FHIT: variants seen among roughly 807,000 people sequenced by gnomAD.
FHIT encodes the protein bis(5'-adenosyl)-triphosphatase.
In FHIT, 19 loss-of-function variants were observed where a neutral mutation model predicts 17.9. That is an observed-to-expected ratio of 1.06 (90% confidence interval 0.74 to 1.56). The LOEUF (loss-of-function observed/expected upper bound fraction) is 1.56. FHIT is among the 40% of genes most tolerant of loss of function. The pLI is 0.00. For missense variants in FHIT, 248 were observed against 189.2 expected (o/e 1.31, Z -1.82); for synonymous variants, 81 against 69.7 (o/e 1.16, Z -0.81).
rs997508961 is a variant in FHIT at position 60,823,428 on chromosome 3, A to G, written c.-110-1417T>C. On this transcript the variant is annotated intron_variant, in intron 3 of 9. Transcript: ENST00000492590. Reference sequence around the variant, plus strand: ...AAGTTAAGATGAAGTCATACTGGAGATCGGTGGGCAGGCCTCTCATCCAAT... The same window carrying G: ...AAGTTAAGATGAAGTCATACTGGAGGTCGGTGGGCAGGCCTCTCATCCAAT... Among the ~76,000 whole-genome samples the G allele has an allele frequency of 5.9e-5, 9 of 152,196 alleles. 1 individual carries two copies. Among genetic ancestry groups the G allele is most frequent in the African/African-American group, 2.4e-5 (1 of 41,458 alleles).
chr3:60,215,844 A>G (rs1703673655), intron 5 of FHIT, among the ~76,000 whole-genome samples: 1 of 152,172 alleles, frequency 6.6e-6, no homozygotes, highest in Admixed American at 6.5e-5. Context: ...CCAATAATCT[A>G]TGAGAGAACA....
chr3:60,468,302 T>C (rs138012231), intron 5 of FHIT, among the ~76,000 whole-genome samples: 17 of 152,280 alleles, frequency 1.1e-4, no homozygotes, highest in African/African-American at 3.8e-4. Context: ...TCAATGTTAT[T>C]ATTGATGAAT....
intron 4 of FHIT, among the ~76,000 whole-genome samples, chr3:60,655,045 G>A (rs920862049): frequency 7.9e-5 from 12 of 152,142 alleles, no homozygotes; most frequent in African/African-American, 2.9e-4. Flanking sequence ...TAGAAGTTGA[G>A]AATAATGTCA....
intron 5 of FHIT, among the ~76,000 whole-genome samples, chr3:60,527,105 C>T (rs1015634822): frequency 4.6e-5 from 7 of 152,082 alleles, no homozygotes; most frequent in Admixed American, 4.6e-4. Context: ...CTGTTTATTC[C>T]GCGGAAATAT....
At chr3:60,238,937 T>C (rs1305164236) in intron 5 of FHIT, among the ~76,000 whole-genome samples, 1 of 152,166 alleles carries the variant, frequency 6.6e-6, no homozygotes, top group African/African-American at 2.4e-5. Flanking sequence ...GCAAAGAAAA[T>C]TAAAATCATT....
chr3:59,975,695 C>T (rs545440936), intron 7 of FHIT, among the ~76,000 whole-genome samples: 1 of 151,946 alleles, frequency 6.6e-6, no homozygotes, highest in East Asian at 1.9e-4. Context: ...GAGATACTAG[C>T]CTAGAAATAA....
At chr3:60,706,513 G>A (rs2041377188) in intron 4 of FHIT, among the ~76,000 whole-genome samples, 1 of 152,140 alleles carries the variant, frequency 6.6e-6, no homozygotes, top group Admixed American at 6.5e-5. Context: ...ACAAGTCTTT[G>A]GGTTAGAATG....
intron 5 of FHIT, among the ~76,000 whole-genome samples, chr3:60,087,612 C>T (rs1703550520): frequency 6.6e-6 from 1 of 152,158 alleles, no homozygotes; most frequent in Admixed American, 6.5e-5. Context: ...GATACCCCAC[C>T]CTCATCACTT....
At chr3:61,193,432 T>C (rs1454846086) in intron 2 of FHIT, among the ~76,000 whole-genome samples, 1 of 152,172 alleles carries the variant, frequency 6.6e-6, no homozygotes, top group African/African-American at 2.4e-5. Flanking sequence ...ACAACAGGAC[T>C]ACCCAACAAT....
chr3:60,367,043 G>A (rs926296158), intron 5 of FHIT, among the ~76,000 whole-genome samples: 1 of 152,182 alleles, frequency 6.6e-6, no homozygotes, highest in Admixed American at 6.5e-5. Flanking sequence ...AAGAAAAGGA[G>A]AGGTTTTTGT....
At position 60,443,179 on chromosome 3, in the gene FHIT, A is replaced by G. The variant is rs576610888; in HGVS notation, c.103+93681T>C. ...CAGCTTAAGGAGATTTTGGGCTGAG[A>G]CGATGGGGTTTTCTAGATATACAAT... On this transcript the variant is annotated intron_variant, in intron 5 of 9. Transcript: ENST00000492590. Among the ~76,000 whole-genome samples, 8 of 152,288 alleles carry G rather than the reference A, an allele frequency of 5.3e-5. No individual in the cohort carries two copies. In the South Asian group the frequency reaches 1.0e-3, roughly 20 times the overall value.
chr3:60,880,738 AAACAAC>A (rs3046744), intron 3 of FHIT, among the ~76,000 whole-genome samples: 62 of 151,732 alleles, frequency 4.1e-4, no homozygotes, highest in Admixed American at 1.6e-3. Flanking sequence ...TCTCAAAAAC[AAACAAC>A]AACAACAACA....
intron 8 of FHIT, among the ~76,000 whole-genome samples, chr3:59,875,492 A>T (rs1703111382): frequency 6.6e-6 from 1 of 152,200 alleles, no homozygotes; most frequent in South Asian, 2.1e-4. Flanking sequence ...TGTTCAGGGA[A>T]TAGGGAAAAT....
chr3:59,978,813 T>C (rs1471882731), intron 7 of FHIT, among the ~76,000 whole-genome samples: 2 of 151,584 alleles, frequency 1.3e-5, no homozygotes, highest in Non-Finnish European at 2.9e-5. Flanking sequence ...ATCTGGGACC[T>C]TAAAAAAAGG....
chr3:59,882,432 T>C (rs922976098), intron 8 of FHIT, among the ~76,000 whole-genome samples: 4 of 152,124 alleles, frequency 2.6e-5, no homozygotes, highest in Admixed American at 2.0e-4. Flanking sequence ...GCACCTTGTT[T>C]TCACTAACAA....
At chr3:60,793,595 G>A (rs978550403) in intron 4 of FHIT, among the ~76,000 whole-genome samples, 2 of 152,186 alleles carry the variant, frequency 1.3e-5, no homozygotes, top group Non-Finnish European at 2.9e-5. Context: ...GAGCCATAGC[G>A]CCCAGACAAA....
At chr3:60,494,760 G>T (rs115759244) in intron 5 of FHIT, among the ~76,000 whole-genome samples, 2 of 152,002 alleles carry the variant, frequency 1.3e-5, no homozygotes, top group Non-Finnish European at 2.9e-5. Flanking sequence ...ATTTCACTTC[G>T]CAGAATGACC....
intron 2 of FHIT, among the ~76,000 whole-genome samples, chr3:61,091,355 A>G (rs2106812644): frequency 6.6e-6 from 1 of 152,316 alleles, no homozygotes; most frequent in East Asian, 1.9e-4. Context: ...TAATCTAAGA[A>G]GGCAAGACAC....
At chr3:60,213,513 T>C (rs1293826806) in intron 5 of FHIT, among the ~76,000 whole-genome samples, 2 of 152,184 alleles carry the variant, frequency 1.3e-5, no homozygotes, top group South Asian at 2.1e-4. Context: ...ACTGGCCATT[T>C]CCACCACAAC....
Sources: allele counts gnomAD v4.1 joint callset (sites outside exome capture counted in the v4.1 genomes callset), GRCh38; gene constraint gnomAD v4.1.1; transcripts MANE v1.5; gene names NCBI Gene and HGNC (gene_info 2026-07-23, HGNC 2026-07-21).